Variants in SKIC3 observed in about 807,000 individuals in gnomAD.
SKIC3 encodes the protein SKI3 subunit of superkiller complex, also known as superkiller complex protein 3.
chr5:95,513,845 A>C, the SKIC3 span, among the ~76,000 whole-genome samples: 1 of 152,346 alleles, frequency 6.6e-6, no homozygotes, highest in African/African-American at 2.4e-5. Flanking sequence ...TAAAACCAAA[A>C]ATACTTTTAA....
chr5:95,532,827 T>A, the SKIC3 span, among the ~76,000 whole-genome samples: 1 of 152,148 alleles, frequency 6.6e-6, no homozygotes, highest in Admixed American at 6.6e-5. Flanking sequence ...GAGGTCCGTG[T>A]TGGATGCTGA....
chr5:95,523,385 T>C, the SKIC3 span: 134 of 1,518,352 alleles, frequency 8.8e-5, no homozygotes, highest in African/African-American at 1.7e-3. Flanking sequence ...GACAGAACGC[T>C]CATGTAAAGT....
the SKIC3 span, among the ~76,000 whole-genome samples, chr5:95,544,888 T>C: frequency 6.6e-6 from 1 of 152,206 alleles, no homozygotes; most frequent in Admixed American, 6.5e-5. Flanking sequence ...CCTGAAGGGA[T>C]ACTCATACCA....
the SKIC3 span, among the ~76,000 whole-genome samples, chr5:95,474,749 G>A: frequency 6.6e-6 from 1 of 152,170 alleles, no homozygotes; most frequent in Admixed American, 6.5e-5. Context: ...CCAATGAGTT[G>A]TAGATTTGGT....
the SKIC3 span, among the ~76,000 whole-genome samples, chr5:95,538,108 G>C: frequency 6.6e-6 from 1 of 152,018 alleles, no homozygotes; most frequent in African/African-American, 2.4e-5. Flanking sequence ...CTAACAGTTA[G>C]AAATCGATTC....
chr5:95,511,487 A>G, the SKIC3 span, among the ~76,000 whole-genome samples: 10 of 152,158 alleles, frequency 6.6e-5, no homozygotes, highest in African/African-American at 2.2e-4. Flanking sequence ...CCCTAAGGCA[A>G]ACCCCCCCAA....
chr5:95,480,851 G>A, the SKIC3 span, among the ~76,000 whole-genome samples: 1 of 152,132 alleles, frequency 6.6e-6, no homozygotes, highest in African/African-American at 2.4e-5. Context: ...CCTGTTGAGT[G>A]AAAGTAACCA....
chr5:95,523,353 G>T, the SKIC3 span: 2 of 1,590,556 alleles, frequency 1.3e-6, no homozygotes, highest in Non-Finnish European at 1.7e-6. Context: ...ACTAATATTA[G>T]ATATATTGAA....
the SKIC3 span, among the ~76,000 whole-genome samples, chr5:95,521,683 T>A: frequency 2.6e-5 from 4 of 152,034 alleles, no homozygotes; most frequent in African/African-American, 9.7e-5. Context: ...TTAAAAAAAA[T>A]TTAATGAGCT....
At chr5:95,516,964 TG>T in the SKIC3 span, 1 of 1,612,934 alleles carries the variant, frequency 6.2e-7, no homozygotes, top group South Asian at 1.1e-5. Flanking sequence ...TGTTGCTGCC[TG>T]TTTCTGCTAG....
At chr5:95,543,071 TTACATGGGGCAAATG>T in the SKIC3 span, 1 of 1,303,856 alleles carries the variant, frequency 7.7e-7, no homozygotes, top group South Asian at 1.4e-5. Context: ...AAATTTTTTC[TTACATGGGGCAAATG>T]TAGGTTTAAA....
chr5:95,544,615 A>G, the SKIC3 span, among the ~76,000 whole-genome samples: 1 of 152,202 alleles, frequency 6.6e-6, no homozygotes, highest in Non-Finnish European at 1.5e-5. Context: ...TAACTACCAA[A>G]GTTAAGCTCT....
the SKIC3 span, among the ~76,000 whole-genome samples, chr5:95,532,013 T>TA: frequency 2.3e-4 from 34 of 151,016 alleles, 1 homozygote; most frequent in Middle Eastern, 6.8e-3. Flanking sequence ...TTCACCATCC[T>TA]AAAAAAAAAT....
At chr5:95,553,783 C>T in the SKIC3 span, among the ~76,000 whole-genome samples, 67,753 of 152,118 alleles carry the variant, frequency 0.45, 18,739 homozygotes, top group African/African-American at 0.79. Context: ...GGTCTCGAAC[C>T]CCTAACCTTC....
the SKIC3 span, chr5:95,543,412 G>T: frequency 6.8e-7 from 1 of 1,467,510 alleles, no homozygotes; most frequent in Non-Finnish European, 9.5e-7. Context: ...GCATGAGTCA[G>T]GAAATCTATA....
chr5:95,487,842 A>G, the SKIC3 span, among the ~76,000 whole-genome samples: 1 of 152,228 alleles, frequency 6.6e-6, no homozygotes, highest in Admixed American at 6.5e-5. Context: ...TCAATCAAAA[A>G]GAAATTTATG....
the SKIC3 span, chr5:95,484,696 G>A: frequency 6.2e-7 from 1 of 1,613,792 alleles, no homozygotes; most frequent in East Asian, 2.2e-5. Flanking sequence ...AAGAATCCAT[G>A]AGTTTCAATG....
chr5:95,547,208 T>C, the SKIC3 span: 1 of 1,526,308 alleles, frequency 6.6e-7, no homozygotes, highest in Non-Finnish European at 9.1e-7. Flanking sequence ...ATCGTAAATG[T>C]TCCAACAAAC....
the SKIC3 span, chr5:95,467,720 C>A: frequency 8.7e-7 from 1 of 1,149,132 alleles, no homozygotes; most frequent in Non-Finnish European, 1.2e-6. Context: ...CTTTTATTAG[C>A]CAAAAAATTA....
Sources: allele counts gnomAD v4.1 joint callset (sites outside exome capture counted in the v4.1 genomes callset), GRCh38; gene constraint gnomAD v4.1.1; transcripts MANE v1.5; gene names NCBI Gene and HGNC (gene_info 2026-07-23, HGNC 2026-07-21).